CSMD1: variants seen among roughly 807,000 people sequenced by gnomAD.
CSMD1 encodes the protein CUB and Sushi multiple domains 1, also known as CUB and sushi domain-containing protein 1.
In CSMD1, 213 loss-of-function variants were observed where a neutral mutation model predicts 417.5. That is an observed-to-expected ratio of 0.51 (90% CI 0.46 to 0.57). CSMD1 has a LOEUF of 0.57. Ranked by LOEUF, CSMD1 falls within the 20% of genes least tolerant of loss-of-function variation. The pLI is 0.00. For synonymous variants in CSMD1, 2,862 were observed against 1,736.8 expected (o/e 1.65, Z -16.11); for missense variants, 6,923 against 4,529.7 (o/e 1.53, Z -15.17).
intron 41 of CSMD1, among the ~76,000 whole-genome samples, chr8:3,120,312 G>T (rs75647331): frequency 6.6e-6 from 1 of 152,268 alleles, no homozygotes; most frequent in East Asian, 1.9e-4. Context: ...TTATATTAAA[G>T]CAATTGGACA....
chr8:4,468,834 G>C (rs556668824), intron 2 of CSMD1, among the ~76,000 whole-genome samples: 4 of 152,080 alleles, frequency 2.6e-5, no homozygotes, highest in African/African-American at 4.8e-5. Context: ...AGCCCAAACA[G>C]CAATTGAATT....
At chr8:3,801,428 C>T (rs1425814922) in intron 5 of CSMD1, among the ~76,000 whole-genome samples, 1 of 152,092 alleles carries the variant, frequency 6.6e-6, no homozygotes. Context: ...CAATGAGATA[C>T]CATTTCATAC....
intron 12 of CSMD1, among the ~76,000 whole-genome samples, chr8:3,451,693 G>C (rs573150716): frequency 2.6e-5 from 4 of 152,154 alleles, no homozygotes; most frequent in South Asian, 4.1e-4. Context: ...TTTGGAACCA[G>C]TACCATGCTG....
At chr8:3,595,440 C>G (rs113666551) in intron 8 of CSMD1, among the ~76,000 whole-genome samples, 2 of 152,102 alleles carry the variant, frequency 1.3e-5, no homozygotes, top group African/African-American at 2.4e-5. Context: ...TTTCTTCAAG[C>G]CTTAAGGCAG....
chr8:4,274,277 A>G (rs1378945695), intron 3 of CSMD1, among the ~76,000 whole-genome samples: 1 of 152,152 alleles, frequency 6.6e-6, no homozygotes, highest in African/African-American at 2.4e-5. Context: ...AGCTGCTACT[A>G]TCAGGCTTAT....
At chr8:3,018,702 C>A in intron 51 of CSMD1, 52 bp from the exon 52 acceptor site, 1 of 1,490,138 alleles carries the variant, frequency 6.7e-7, no homozygotes. Context: ...CAGATTACTC[C>A]TGTGCTCCAA....
chr8:3,601,208 T>A (rs112401389), intron 8 of CSMD1, among the ~76,000 whole-genome samples: 1 of 152,226 alleles, frequency 6.6e-6, no homozygotes, highest in African/African-American at 2.4e-5. Flanking sequence ...GAGCTGCTCA[T>A]TGGCCTCACA....
In CSMD1 at chr8:3,677,899, C is replaced by G. The variant is rs192864130; in HGVS notation, c.1009+30515G>C. Among the ~76,000 whole-genome samples the G allele has an allele frequency of 1.8e-3, 274 of 152,196 alleles. 2 individuals carry two copies. The highest frequency in any genetic ancestry group is 6.8e-3 in the Middle Eastern group (2 of 294). ...GCCCTTTTTTTCCATCATGAAACAC[C>G]TCCCACTAATAGAGCTGTTTGTATT... On this transcript the variant is annotated intron_variant, in intron 7 of 69. Transcript: ENST00000635120.
chr8:4,611,374 A>G (rs189785778), intron 2 of CSMD1, among the ~76,000 whole-genome samples: 101 of 152,336 alleles, frequency 6.6e-4, no homozygotes, highest in African/African-American at 2.2e-3. Context: ...GGTCTAACTC[A>G]GCTCCCCACT....
At chr8:3,188,572 G>A (rs1796226157) in intron 35 of CSMD1, among the ~76,000 whole-genome samples, 1 of 151,926 alleles carries the variant, frequency 6.6e-6, no homozygotes, top group African/African-American at 2.4e-5. Context: ...TTCCCAAAGT[G>A]CTGGGACTAC....
chr8:4,157,941 T>A (rs1485150854), intron 3 of CSMD1, among the ~76,000 whole-genome samples: 3 of 152,168 alleles, frequency 2.0e-5, no homozygotes, highest in Non-Finnish European at 4.4e-5. Flanking sequence ...GCTGTAAGGT[T>A]CAGAACATCT....
intron 3 of CSMD1, among the ~76,000 whole-genome samples, chr8:4,376,547 T>G (rs1385254437): frequency 1.3e-5 from 2 of 152,220 alleles, no homozygotes; most frequent in African/African-American, 4.8e-5. Flanking sequence ...AATTTAATTT[T>G]ATCTCATATA....
At chr8:4,451,995 T>C (rs1045114912) in intron 2 of CSMD1, among the ~76,000 whole-genome samples, 1 of 150,100 alleles carries the variant, frequency 6.7e-6, no homozygotes, top group Non-Finnish European at 1.5e-5. Flanking sequence ...GTTTGATATA[T>C]ATATAATGAA....
intron 1 of CSMD1, among the ~76,000 whole-genome samples, chr8:4,721,690 C>G (rs1337553114): frequency 6.6e-6 from 1 of 152,104 alleles, no homozygotes; most frequent in South Asian, 2.1e-4. Context: ...TATAACCCAG[C>G]AATCCCCCTG....
chr8:2,961,122 T>G lies in CSMD1; in HGVS notation c.9702+19A>C. ...TTATATTTCCAGAAAGAAAACATAG[T>G]AAATTCATAATGAACTACCTCATAG... On this transcript the variant is annotated intron_variant, in intron 62 of 69. Coordinates refer to ENST00000635120, the MANE Select transcript of CSMD1 (RefSeq NM_033225.6). 6.8e-7 allele frequency: 1 copy of G among 1,480,554 alleles called. No homozygotes were observed. The highest frequency in any genetic ancestry group is 1.3e-5 in the South Asian group (1 of 74,204). 91.7% of individuals were successfully genotyped at this position (1,480,554 alleles called of 1,614,324 possible). A position where few individuals can be genotyped will look rare whatever the true frequency, so the allele number is the denominator to read the frequency against.
At chr8:3,813,966 T>C (rs551717470) in intron 5 of CSMD1, among the ~76,000 whole-genome samples, 1 of 152,332 alleles carries the variant, frequency 6.6e-6, no homozygotes, top group South Asian at 2.1e-4. Flanking sequence ...GACCCTGAAA[T>C]ATGTGATTCT....
rs568234414 is a variant in CSMD1 at position 3,358,625 on chromosome 8, C to G, written c.3304+527G>C. Among the ~76,000 whole-genome samples, 12 of 152,302 alleles carry G rather than the reference C, an allele frequency of 7.9e-5. 1 individual carries two copies. In the South Asian group the frequency reaches 2.5e-3, roughly 32 times the overall value. On this transcript the variant is annotated intron_variant, in intron 21 of 69. Transcript: ENST00000635120. ...CTTCGGAATTATCTCTTGGATTCCT[C>G]CAGAACACACTGAAAAAGTGAATTC...
At chr8:3,255,308 C>T (rs896421926) in intron 26 of CSMD1, among the ~76,000 whole-genome samples, 13 of 152,080 alleles carry the variant, frequency 8.5e-5, no homozygotes, top group Non-Finnish European at 1.2e-4. Context: ...TTAGGCTTCT[C>T]GGGGGACAGG....
At chr8:3,737,234 T>C (rs1462742158) in intron 6 of CSMD1, among the ~76,000 whole-genome samples, 1 of 152,086 alleles carries the variant, frequency 6.6e-6, no homozygotes, top group African/African-American at 2.4e-5. Context: ...TTTTGCTTTC[T>C]AGAGATAAGC....
Sources: gnomAD v4.1 joint callset for allele counts (sites outside exome capture counted in the v4.1 genomes callset) on GRCh38, gnomAD v4.1.1 for gene constraint, MANE v1.5 for transcripts, NCBI Gene and HGNC (gene_info 2026-07-23, HGNC 2026-07-21) for gene names.